EPB41L2: variants seen among roughly 807,000 people sequenced by gnomAD.
EPB41L2 encodes the protein erythrocyte membrane protein band 4.1 like 2, also known as band 4.1-like protein 2.
A neutral mutation model predicts 113.0 loss-of-function variants in EPB41L2; 43 were observed. The observed-to-expected ratio is 0.38, with a 90% CI of 0.30 to 0.49. EPB41L2 has a LOEUF of 0.49. Among genes scored for constraint, EPB41L2 ranks in the 20% least tolerant of loss-of-function variants. EPB41L2 has a pLI of 0.95. For synonymous variants in EPB41L2, 442 were observed against 436.7 expected (o/e 1.01, Z -0.15); for missense variants, 1,147 against 1,223.4 (o/e 0.94, Z 0.93).
At chr6:131,044,333 C>T (rs1053394592) in intron 1 of EPB41L2, among the ~76,000 whole-genome samples, 1 of 151,558 alleles carries the variant, frequency 6.6e-6, no homozygotes, top group Non-Finnish European at 1.5e-5. Context: ...GCCAATAATG[C>T]TTTTTTGTTT....
At chr6:130,966,584 C>T (rs1195302990) in intron 1 of EPB41L2, among the ~76,000 whole-genome samples, 1 of 152,102 alleles carries the variant, frequency 6.6e-6, no homozygotes, top group Admixed American at 6.5e-5. Context: ...AAGAGAGTAA[C>T]AACAGTGATT....
intron 19 of EPB41L2, among the ~76,000 whole-genome samples, chr6:130,848,004 A>G (rs1330002346): frequency 1.3e-5 from 2 of 152,164 alleles, no homozygotes; most frequent in Non-Finnish European, 2.9e-5. Flanking sequence ...ATACAAACTA[A>G]CAAAGCTTTC....
At chr6:131,008,750 G>A (rs528346186) in intron 1 of EPB41L2, among the ~76,000 whole-genome samples, 13 of 152,320 alleles carry the variant, frequency 8.5e-5, no homozygotes, top group South Asian at 2.1e-4. Context: ...AAAGGAGATC[G>A]TTTTGGAACT....
At chr6:130,946,176 A>G (rs938246839) in intron 3 of EPB41L2, among the ~76,000 whole-genome samples, 1 of 152,204 alleles carries the variant, frequency 6.6e-6, no homozygotes, top group Non-Finnish European at 1.5e-5. Flanking sequence ...ACAATGAAAC[A>G]GTACCTACCA....
intron 3 of EPB41L2, among the ~76,000 whole-genome samples, chr6:130,928,197 T>G (rs1197561208): frequency 6.6e-6 from 1 of 152,136 alleles, no homozygotes; most frequent in African/African-American, 2.4e-5. Flanking sequence ...TTACTGAGCA[T>G]GTTTAAGATA....
chr6:131,042,500 A>T (rs1562787689), intron 1 of EPB41L2, among the ~76,000 whole-genome samples: 1 of 152,188 alleles, frequency 6.6e-6, no homozygotes, highest in Non-Finnish European at 1.5e-5. Flanking sequence ...CTCTTTATTT[A>T]TACATAGAAA....
Position 130,867,485 on chromosome 6 carries a change from T to C in EPB41L2, c.2704A>G (p.Lys902Glu), listed in dbSNP as rs1322331982. The C allele has an allele frequency of 6.2e-6, 10 of 1,613,946 alleles. No homozygotes were observed. The highest frequency in any genetic ancestry group is 8.5e-6 in the Non-Finnish European group (10 of 1,179,912). The change falls in exon 16 of 20, where the codon AAA becomes GAA. Residue 902 changes from lysine (K) to glutamate (E), a missense_variant. Coordinates refer to ENST00000337057, the MANE Select transcript of EPB41L2 (RefSeq NM_001431.4). Reference sequence around the variant, plus strand: ...TGTGGAGACTCATATGTGATGGTTTTGGTCTCAGTTTGGACAATGGGGACT... The same window carrying C: ...TGTGGAGACTCATATGTGATGGTTTCGGTCTCAGTTTGGACAATGGGGACT... ...KEVPIVQTET[K>E]TITYESPQID...
chr6:131,007,732 A>G lies in EPB41L2; in HGVS notation c.-14-51233T>C, dbSNP rs372663813. ...AAGGTCACTGTTTCTATGCTTTAGC[A>G]AAGAGACTGGTGACATTTTGCCCCT... On this transcript the variant is annotated intron_variant, in intron 1 of 19. Coordinates refer to ENST00000337057, the MANE Select transcript of EPB41L2 (RefSeq NM_001431.4). 3.8e-4 allele frequency among the ~76,000 whole-genome samples: 58 copies of G among 152,328 alleles called. No homozygotes were observed. In the East Asian group the frequency reaches 0.01, roughly 27 times the overall value.
At chr6:130,966,149 C>T (rs897046160) in intron 1 of EPB41L2, among the ~76,000 whole-genome samples, 4 of 152,178 alleles carry the variant, frequency 2.6e-5, no homozygotes, top group African/African-American at 9.7e-5. Flanking sequence ...GTTGGACAAG[C>T]TTGTGGTAAG....
chr6:130,955,881 A>G, intron 2 of EPB41L2, 113 bp downstream of exon 2: 3 of 1,494,006 alleles, frequency 2.0e-6, no homozygotes, highest in African/African-American at 1.4e-5. Flanking sequence ...ACATTAAGCT[A>G]AAGCAGTATC....
At chr6:130,871,486 T>A (rs192503878) in intron 14 of EPB41L2, among the ~76,000 whole-genome samples, 1 of 152,182 alleles carries the variant, frequency 6.6e-6, no homozygotes. Flanking sequence ...GAGCCTCTAA[T>A]AGACAGCAGG....
At chr6:130,957,412 T>C (rs996289455) in intron 1 of EPB41L2, among the ~76,000 whole-genome samples, 1 of 152,224 alleles carries the variant, frequency 6.6e-6, no homozygotes, top group Non-Finnish European at 1.5e-5. Context: ...AGATAGCCGA[T>C]CACATTCGCT....
At chr6:130,842,199 G>T (rs1037963709) in intron 19 of EPB41L2, among the ~76,000 whole-genome samples, 2 of 152,038 alleles carry the variant, frequency 1.3e-5, no homozygotes, top group Non-Finnish European at 2.9e-5. Context: ...GATTATTCAG[G>T]ACAGATTGAT....
At chr6:130,954,368 AG>A (rs1284701522) in intron 3 of EPB41L2, among the ~76,000 whole-genome samples, 1 of 152,122 alleles carries the variant, frequency 6.6e-6, no homozygotes, top group Non-Finnish European at 1.5e-5. Flanking sequence ...ACTTTGGGCA[AG>A]GAATTTAACT....
chr6:131,004,996 A>G lies in EPB41L2; in HGVS notation c.-14-48497T>C, dbSNP rs559095349. Among the ~76,000 whole-genome samples, 12 of 152,360 alleles carry G rather than the reference A, an allele frequency of 7.9e-5. No homozygotes were observed. The South Asian group carries it at 2.1e-3, about 26-fold the overall frequency. The stretch of plus-strand genomic sequence containing the variant: ...ACTATTCATAACAATCAAGAAATGG[A>G]TAAGAAAAGCCTAAATATGTTTGTC... On this transcript the variant is annotated intron_variant, in intron 1 of 19. Transcript: ENST00000337057.
intron 1 of EPB41L2, among the ~76,000 whole-genome samples, chr6:131,024,360 A>T (rs373362745): frequency 1.3e-5 from 2 of 152,158 alleles, no homozygotes; most frequent in African/African-American, 4.8e-5. Flanking sequence ...GCCAGGAAAG[A>T]GGTGTGTTCA....
At chr6:130,900,790 A>G (rs1023238701) in intron 7 of EPB41L2, among the ~76,000 whole-genome samples, 172 bp downstream of exon 7, 2 of 152,232 alleles carry the variant, frequency 1.3e-5, no homozygotes, top group African/African-American at 2.4e-5. Context: ...AGTTATAAAA[A>G]TAATGAAAGG....
intron 1 of EPB41L2, among the ~76,000 whole-genome samples, chr6:130,988,264 A>G (rs1781035867): frequency 6.6e-6 from 1 of 152,260 alleles, no homozygotes; most frequent in Admixed American, 6.5e-5. Flanking sequence ...AAATAATGCC[A>G]AGATTCAAGG....
intron 3 of EPB41L2, among the ~76,000 whole-genome samples, chr6:130,948,568 TAG>T (rs1055950390): frequency 7.9e-5 from 12 of 152,088 alleles, no homozygotes; most frequent in Admixed American, 2.6e-4. Context: ...AATGGCAAAA[TAG>T]AGTCACTAAT....
Sources: gnomAD v4.1 joint callset for allele counts (sites outside exome capture counted in the v4.1 genomes callset) on GRCh38, gnomAD v4.1.1 for gene constraint, MANE v1.5 for transcripts, NCBI Gene and HGNC (gene_info 2026-07-23, HGNC 2026-07-21) for gene names.